RBFOX1: variants seen among roughly 807,000 people sequenced by gnomAD.
The protein encoded by RBFOX1 is RNA binding protein fox-1 homolog 1.
Under a neutral mutation model 57.7 loss-of-function variants are expected in RBFOX1, and 8 were observed. The observed-to-expected ratio is 0.14, with a 90% confidence interval of 0.08 to 0.25. The LOEUF (loss-of-function observed/expected upper bound fraction) is 0.25. Among genes scored for constraint, RBFOX1 ranks in the 10% least tolerant of loss-of-function variants. The pLI is 1.00. For synonymous variants in RBFOX1, 326 were observed against 222.4 expected (o/e 1.47, Z -4.15); for missense variants, 611 against 548.5 (o/e 1.11, Z -1.14).
chr16:5,630,766 C>A (rs557537189), intron 3 of RBFOX1, among the ~76,000 whole-genome samples: 1 of 152,106 alleles, frequency 6.6e-6, no homozygotes, highest in Non-Finnish European at 1.5e-5. Flanking sequence ...CTCTAACTCT[C>A]GCCTTGGACT....
chr16:6,007,136 T>C (rs1486785141), intron 4 of RBFOX1, among the ~76,000 whole-genome samples: 1 of 152,202 alleles, frequency 6.6e-6, no homozygotes, highest in Non-Finnish European at 1.5e-5. Flanking sequence ...AAATGATCCC[T>C]CTCTCCTGGT....
At chr16:7,637,902 A>C (rs903267601) in intron 11 of RBFOX1, among the ~76,000 whole-genome samples, 26 of 152,246 alleles carry the variant, frequency 1.7e-4, no homozygotes, top group Non-Finnish European at 3.1e-4. Flanking sequence ...TAACAGAAAA[A>C]GATCCATGAT....
At chr16:6,508,114 C>A (rs973402826) in intron 2 of RBFOX1, among the ~76,000 whole-genome samples, 1 of 152,086 alleles carries the variant, frequency 6.6e-6, no homozygotes, top group Non-Finnish European at 1.5e-5. Flanking sequence ...AATGCAGGAG[C>A]AGAAAACCAA....
intron 2 of RBFOX1, among the ~76,000 whole-genome samples, chr16:6,433,204 G>C (rs918845242): frequency 1.3e-5 from 2 of 152,170 alleles, no homozygotes; most frequent in Admixed American, 6.5e-5. Flanking sequence ...TGTTGTGTAG[G>C]TATAGCTGAT....
chr16:6,271,047 G>A (rs1045624151), intron 1 of RBFOX1, among the ~76,000 whole-genome samples: 1 of 152,224 alleles, frequency 6.6e-6, no homozygotes, highest in Non-Finnish European at 1.5e-5. Flanking sequence ...AAGTAATACT[G>A]AGAGGAAATT....
intron 2 of RBFOX1, among the ~76,000 whole-genome samples, chr16:5,533,294 A>G (rs754222725): frequency 2.0e-5 from 3 of 152,230 alleles, no homozygotes; most frequent in African/African-American, 2.4e-5. Flanking sequence ...AGTAACAAGC[A>G]TCATGTTTTA....
At chr16:6,705,826 T>C (rs1444001329) in intron 3 of RBFOX1, among the ~76,000 whole-genome samples, 1 of 152,158 alleles carries the variant, frequency 6.6e-6, no homozygotes. Context: ...AAGACCATCC[T>C]GGCTAACATG....
At chr16:7,409,761 C>T (rs541509277) in intron 4 of RBFOX1, among the ~76,000 whole-genome samples, 16 of 150,458 alleles carry the variant, frequency 1.1e-4, no homozygotes, top group South Asian at 1.1e-3. Context: ...CTTCAACATG[C>T]TTCATTCATT....
At chr16:7,524,289 C>A (rs1415218841) in intron 5 of RBFOX1, among the ~76,000 whole-genome samples, 2 of 152,094 alleles carry the variant, frequency 1.3e-5, no homozygotes, top group Non-Finnish European at 2.9e-5. Context: ...AGCTCCCAAC[C>A]AGAGCTCAGT....
intron 1 of RBFOX1, among the ~76,000 whole-genome samples, chr16:5,434,466 C>T (rs1012610997): frequency 6.6e-6 from 1 of 151,712 alleles, no homozygotes. Context: ...GAATTACAGG[C>T]ATGCACCACC....
intron 1 of RBFOX1, chr16:5,467,074 T>G: frequency 2.0e-6 from 2 of 1,005,912 alleles, no homozygotes; most frequent in East Asian, 2.7e-5. Context: ...ATGTTAGGCA[T>G]TTAATGGACG....
intron 3 of RBFOX1, among the ~76,000 whole-genome samples, chr16:5,770,301 C>G (rs1452676230): frequency 6.6e-6 from 1 of 151,610 alleles, no homozygotes; most frequent in African/African-American, 2.4e-5. Context: ...TGAAAGTGAT[C>G]TCTAGCTGCC....
intron 1 of RBFOX1, among the ~76,000 whole-genome samples, chr16:6,085,675 T>A (rs2096073753): frequency 6.6e-6 from 1 of 152,152 alleles, no homozygotes; most frequent in Admixed American, 6.5e-5. Context: ...TGTGTCTGTG[T>A]GTGTGCATGC....
At chr16:7,225,482 C>G (rs1402548341) in intron 4 of RBFOX1, among the ~76,000 whole-genome samples, 3 of 151,934 alleles carry the variant, frequency 2.0e-5, no homozygotes, top group Non-Finnish European at 2.9e-5. Flanking sequence ...CCTCCCCAGC[C>G]ACGTATAACT....
intron 3 of RBFOX1, among the ~76,000 whole-genome samples, chr16:6,682,380 A>C (rs904663055): frequency 6.6e-6 from 1 of 151,962 alleles, no homozygotes; most frequent in South Asian, 2.1e-4. Context: ...TTCGAAGCCG[A>C]TTGCCCCTTC....
At chr16:5,852,313 G>T (rs955551098) in intron 3 of RBFOX1, among the ~76,000 whole-genome samples, 1 of 152,192 alleles carries the variant, frequency 6.6e-6, no homozygotes, top group African/African-American at 2.4e-5. Flanking sequence ...AAGCAGTGAG[G>T]ATTGCAGGCG....
chr16:6,222,116 A>T (rs561108976), intron 1 of RBFOX1, among the ~76,000 whole-genome samples: 1 of 152,180 alleles, frequency 6.6e-6, no homozygotes, highest in African/African-American at 2.4e-5. Flanking sequence ...TTCCAGCATG[A>T]TGTCTTTCCA....
At chr16:5,429,611 G>T (rs1014838992) in intron 1 of RBFOX1, among the ~76,000 whole-genome samples, 1 of 152,160 alleles carries the variant, frequency 6.6e-6, no homozygotes, top group Non-Finnish European at 1.5e-5. Flanking sequence ...CGCAGCATGT[G>T]GTTCAGCTCT....
chr16:5,542,923 G>A (rs2045021738), intron 2 of RBFOX1, among the ~76,000 whole-genome samples: 1 of 152,212 alleles, frequency 6.6e-6, no homozygotes, highest in African/African-American at 2.4e-5. Flanking sequence ...AGAAGGACCA[G>A]TACCTGGTGC....
Sources: allele counts gnomAD v4.1 joint callset (sites outside exome capture counted in the v4.1 genomes callset), GRCh38; gene constraint gnomAD v4.1.1; transcripts MANE v1.5; gene names NCBI Gene and HGNC (gene_info 2026-07-23, HGNC 2026-07-21).